Variants in ZNF862 observed in about 807,000 individuals in gnomAD.
ZNF862 encodes zinc finger protein 862.
ZNF862 carries 64 observed loss-of-function variants against 91.1 expected under a neutral mutation model. The ratio of observed to expected loss-of-function variants is 0.70; its 90% CI spans 0.57 to 0.87. ZNF862 has a LOEUF of 0.87. Among genes scored for constraint, ZNF862 ranks in the 40% least tolerant of loss-of-function variants. The pLI is 0.00. For missense variants in ZNF862, 1,459 were observed against 1,528.0 expected, an observed-to-expected ratio of 0.95 and a Z score of 0.75; for synonymous variants, 631 against 618.1, an observed-to-expected ratio of 1.02 and a Z score of -0.31.
Position 149,861,141 on chromosome 7 carries a change from CCT to C in ZNF862, c.1986_1987del (p.Tyr663GlnfsTer2). The C allele has an allele frequency of 1.2e-6, 2 of 1,613,050 alleles. No homozygotes were observed. Among genetic ancestry groups the C allele is most frequent in the Non-Finnish European group, 1.7e-6 (2 of 1,179,866 alleles). ...EVKESYITLAPLYSETADGYF... is the reference protein window; with the variant it reads ...EVKESYITLAXLYSETADGYF... ...GAAAGAGTCCTACATCACTCTGGCC[CCT>C]CTCTACAGTGAGACAGCAGATGGGT... is the stretch of plus-strand genomic sequence containing the variant. On this transcript the variant is annotated frameshift_variant, in exon 7 of 8. Transcript: ENST00000223210. LOFTEE classifies it high-confidence loss of function. The surrounding 1 kb of genome is among the most constrained non-coding windows in gnomAD (Gnocchi z 6.7).
chr7:149,840,547 C>G (rs1428923071), intron 1 of ZNF862, among the ~76,000 whole-genome samples: 1 of 151,498 alleles, frequency 6.6e-6, no homozygotes, highest in Non-Finnish European at 1.5e-5. Flanking sequence ...TCTCTCACCA[C>G]TCACTCACTC....
Position 149,850,483 on chromosome 7 carries a change from C to T in ZNF862, c.1117+145C>T, listed in dbSNP as rs917880502. 2.0e-4 allele frequency: 163 copies of T among 795,178 alleles called. 1 individual carries two copies. The highest frequency in any genetic ancestry group is 2.8e-4 in the Middle Eastern group (1 of 3,542). The allele number at this position is 795,178 out of a possible 1,614,324, so 49.3% of individuals were successfully genotyped here. A position where few individuals can be genotyped will look rare whatever the true frequency, so the allele number is the denominator to read the frequency against. On this transcript the variant is annotated intron_variant, in intron 5 of 7. Coordinates refer to ENST00000223210, the MANE Select transcript of ZNF862 (RefSeq NM_001099220.3). This position sits in a 1 kb window ranked among gnomAD's most constrained non-coding sequence, Gnocchi z 4.2. ...CGATCCTGTCTTTTGCACCTCATAA[C>T]TCCCCTGCTTGGGGTAACTGTGCTT...
rs1334435280 is a variant in ZNF862 at position 149,865,705 on chromosome 7, T to G, written c.*1421T>G. The G allele has an allele frequency of 1.3e-5, 2 of 152,214 alleles. No individual in the cohort carries two copies. The highest frequency in any genetic ancestry group is 6.5e-5 in the Admixed American group (1 of 15,288). 9.4% of individuals were successfully genotyped at this position (152,214 alleles called of 1,614,324 possible). On this transcript the variant is annotated 3_prime_UTR_variant, in exon 8 of 8. Coordinates refer to ENST00000223210, the MANE Select transcript of ZNF862 (RefSeq NM_001099220.3). ...GTCAGCAGGCAGGGTTTCTCTGCCC[T>G]GCCTGATACTTGTTTTAAACAGGCA...
Position 149,861,726 on chromosome 7 carries a change from G to C in ZNF862, c.2566G>C (p.Glu856Gln). Reference protein sequence around the residue: ...DFLSIYRPLSEVCQKEIVLIT... With the variant: ...DFLSIYRPLSQVCQKEIVLIT... ...CCTGAGCATCTACAGGCCTCTGTCC[G>C]AGGTGTGCCAGAAGGAGATCGTGCT... The change falls in exon 7 of 8, where the codon GAG (glutamate) becomes CAG (glutamine). Residue 856 changes from glutamate (E) to glutamine (Q), a missense_variant. Physicochemically the swap from Glu to Gln is conservative, Grantham distance 29 (BLOSUM62 2). Coordinates refer to ENST00000223210, the MANE Select transcript of ZNF862 (RefSeq NM_001099220.3). This position sits in a 1 kb window ranked among gnomAD's most constrained non-coding sequence, Gnocchi z 6.7. 6.2e-7 allele frequency: 1 copy of C among 1,613,540 alleles called. No homozygotes were observed. The highest frequency in any genetic ancestry group is 8.5e-7 in the Non-Finnish European group (1 of 1,179,800).
At chr7:149,839,041 C>A (rs753479617) in intron 1 of ZNF862, among the ~76,000 whole-genome samples, 1 of 152,230 alleles carries the variant, frequency 6.6e-6, no homozygotes, top group Non-Finnish European at 1.5e-5. Flanking sequence ...CTGCCTAGAT[C>A]CTCCTTACCA....
rs60721842 is a variant in ZNF862, at chr7:149,840,187, T to TAAAAAAAAAAAAAAAAAAA, written c.24+1566_24+1584dup. Among the ~76,000 whole-genome samples the TAAAAAAAAAAAAAAAAAAA allele has an allele frequency of 5.1e-4, 21 of 41,254 alleles. 1 individual carries two copies. Among genetic ancestry groups the TAAAAAAAAAAAAAAAAAAA allele is most frequent in the Admixed American group, 8.7e-4 (2 of 2,304 alleles). The allele number at this position is 41,254 out of a possible 152,430, so 27.1% of individuals were successfully genotyped here. ...TTAGGTTTTAAGAAAGCTTAAAAAG[T>TAAAAAAAAAAAAAAAAAAA]AAAAAAAAAAAAAAAAAAAAAAAAA... On this transcript the variant is annotated intron_variant, in intron 1 of 7. Coordinates refer to ENST00000223210, the MANE Select transcript of ZNF862 (RefSeq NM_001099220.3).
rs370165112 is a variant in ZNF862 at position 149,862,088 on chromosome 7, C to G, written c.2928C>G (p.Phe976Leu). The change falls in exon 7 of 8, where the codon TTC (phenylalanine) becomes TTG (leucine). Residue 976 changes from phenylalanine (F) to leucine (L), a missense_variant. By Grantham distance (22) the Phe-to-Leu change is conservative (BLOSUM62 0). Transcript: ENST00000223210. ...ACATTCTCAACCTGGCCAGGTATTT[C>G]GAGTGCTCCCTCCCAACAGGATACA... ...NDDILNLARY[F>L]ECSLPTGYSE... 4.3e-6 allele frequency: 7 copies of G among 1,613,682 alleles called. No homozygotes were observed. The highest frequency in any genetic ancestry group is 5.9e-6 in the Non-Finnish European group (7 of 1,179,886).
intron 2 of ZNF862, chr7:149,845,223 T>C (rs570763377): frequency 6.3e-6 from 1 of 158,340 alleles, no homozygotes; most frequent in East Asian, 1.9e-4. Context: ...TAAAACAGTT[T>C]AAGAGTTTGC....
chr7:149,858,837 T>C lies in ZNF862; in HGVS notation c.1118-585T>C, dbSNP rs1053548992. On this transcript the variant is annotated intron_variant, in intron 5 of 7. Transcript: ENST00000223210. ...TCAAAAACCCATGTAGTTGGTCACC[T>C]TCACAAAGGCCAGCTGTGGGGGCAG... 3.3e-5 allele frequency: 5 copies of C among 153,696 alleles called. No individual in the cohort carries two copies. In the East Asian group the frequency reaches 9.6e-4, roughly 30 times the overall value. 9.5% of individuals were successfully genotyped at this position (153,696 alleles called of 1,614,324 possible). A position where few individuals can be genotyped will look rare whatever the true frequency, so the allele number is the denominator to read the frequency against.
In ZNF862 at chr7:149,848,696, T is replaced by G. The variant is rs148704550; in HGVS notation, c.939+264T>G. Among the ~76,000 whole-genome samples, 214 of 152,368 alleles carry G rather than the reference T, an allele frequency of 1.4e-3. 3 individuals are homozygous for G. Among genetic ancestry groups the G allele is most frequent in the Middle Eastern group, 6.8e-3 (2 of 294 alleles). On this transcript the variant is annotated intron_variant, in intron 4 of 7. Coordinates refer to ENST00000223210, the MANE Select transcript of ZNF862 (RefSeq NM_001099220.3). Reference sequence around the variant, plus strand: ...AATTAGTGAGATAGAACATTTCTACTTCTGGTATAAAGGAAACAATCATCT... The same window carrying G: ...AATTAGTGAGATAGAACATTTCTACGTCTGGTATAAAGGAAACAATCATCT...
Position 149,860,363 on chromosome 7 carries a change from T to A in ZNF862, c.1223-20T>A, listed in dbSNP as rs1586068106. On this transcript the variant is annotated intron_variant, in intron 6 of 7. Transcript: ENST00000223210. Reference sequence around the variant, plus strand: ...GAGTTCTGGGTAGCAGAACCAAGCATGATTCAATTTTCTCCAAAGGGAACA... The same window carrying A: ...GAGTTCTGGGTAGCAGAACCAAGCAAGATTCAATTTTCTCCAAAGGGAACA... 1.9e-6 allele frequency: 3 copies of A among 1,592,116 alleles called. No homozygotes were observed. The highest frequency in any genetic ancestry group is 2.6e-6 in the Non-Finnish European group (3 of 1,168,846).
chr7:149,851,953 C>G (rs547544821), intron 5 of ZNF862: 1 of 152,070 alleles, frequency 6.6e-6, no homozygotes, highest in Non-Finnish European at 1.5e-5. Context: ...GTATGGGAGT[C>G]TAGAAACGGA....
chr7:149,847,499 G>T (rs1461833962), intron 3 of ZNF862, among the ~76,000 whole-genome samples: 1 of 152,100 alleles, frequency 6.6e-6, no homozygotes, highest in Non-Finnish European at 1.5e-5. Flanking sequence ...ACAAAAAGGA[G>T]GGGGAGGGTT....
chr7:149,845,449 A>G (rs563192182), intron 2 of ZNF862, among the ~76,000 whole-genome samples: 179 of 152,314 alleles, frequency 1.2e-3, no homozygotes, highest in African/African-American at 4.2e-3. Flanking sequence ...AGAAGCAACA[A>G]TCAGCATTTT....
At chr7:149,839,096 T>G (rs1033552886) in intron 1 of ZNF862, among the ~76,000 whole-genome samples, 2 of 152,244 alleles carry the variant, frequency 1.3e-5, no homozygotes, top group Admixed American at 1.3e-4. Context: ...TTTTTGCCAC[T>G]TCTGTTTCTA....
chr7:149,840,782 TACCATATAGCCTAGATATGTAGTAG>T (rs1801678469), intron 1 of ZNF862: 1 of 221,258 alleles, frequency 4.5e-6, no homozygotes. Context: ...AAAGGCTATA[TACCATATAGCCTAGATATGTAGTAG>T]GCTGTACCAT....
chr7:149,861,281 C>T lies in ZNF862; in HGVS notation c.2121C>T (p.Gly707=). The change falls in exon 7 of 8, where the codon GGC becomes GGT. Residue 707 remains glycine, a synonymous_variant. Transcript: ENST00000223210. The surrounding 1 kb of genome is among the most constrained non-coding windows in gnomAD (Gnocchi z 6.7). ...DGSAMLSCRG[G]LVEKFQEVIP... Reference sequence around the variant, plus strand: ...CAGCCATGTTGAGCTGCAGAGGAGGCCTTGTGGAAAAGTTCCAGGAGGTCA... The same window carrying T: ...CAGCCATGTTGAGCTGCAGAGGAGGTCTTGTGGAAAAGTTCCAGGAGGTCA... The T allele has an allele frequency of 6.2e-7, 1 of 1,612,468 alleles. No individual in the cohort carries two copies. The highest frequency in any genetic ancestry group is 2.2e-5 in the East Asian group (1 of 44,842).
Position 149,864,398 on chromosome 7 carries a change from C to T in ZNF862, c.*114C>T, listed in dbSNP as rs774101480. 404 of 1,165,290 alleles carry T rather than the reference C, an allele frequency of 3.5e-4. No homozygotes were observed. The highest frequency in any genetic ancestry group is 4.2e-4 in the Non-Finnish European group (358 of 844,400). The allele number at this position is 1,165,290 out of a possible 1,614,324, so 72.2% of individuals were successfully genotyped here. A position where few individuals can be genotyped will look rare whatever the true frequency, so the allele number is the denominator to read the frequency against. On this transcript the variant is annotated 3_prime_UTR_variant, in exon 8 of 8. Coordinates refer to ENST00000223210, the MANE Select transcript of ZNF862 (RefSeq NM_001099220.3). ...TGCTGGTGGCGATGGTCTCTAAGCA[C>T]CAGGAAGTGGGCAGTGGCATCCCAG...
chr7:149,860,684 G>C lies in ZNF862; in HGVS notation c.1524G>C (p.Thr508=). Residue 508 remains threonine, a synonymous_variant, in exon 7 of 8, where the codon ACG becomes ACC. Transcript: ENST00000223210. ...CATCTCGGTTAGTCAGAGGTTACAC[G>C]GGGCCTTTTAAAGTGGAGACTTTAA... ...DKSSRLVRGY[T]GPFKVETLKY... is the part of the protein sequence containing the mutation. 1 of 1,613,926 alleles carries C rather than the reference G, an allele frequency of 6.2e-7. No homozygotes were observed. Among genetic ancestry groups the C allele is most frequent in the South Asian group, 1.1e-5 (1 of 91,084 alleles).
Sources: gnomAD v4.1 joint callset for allele counts (sites outside exome capture counted in the v4.1 genomes callset) on GRCh38, gnomAD v4.1.1 for gene constraint, Gnocchi (gnomAD v3.1) non-coding constraint, MANE v1.5 for transcripts, NCBI Gene and HGNC (gene_info 2026-07-23, HGNC 2026-07-21) for gene names.